NLRP5: variants seen among roughly 807,000 people sequenced by gnomAD.
NLRP5 encodes NLR family pyrin domain containing 5.
NLRP5 carries 93 observed loss-of-function variants against 113.1 expected under a neutral mutation model. The observed-to-expected ratio is 0.82, with a 90% CI of 0.70 to 0.98. NLRP5 has a LOEUF of 0.98. Among genes scored for constraint, NLRP5 ranks in the 50% least tolerant of loss-of-function variants. The probability of loss-of-function intolerance (pLI) is 0.00; values close to 1 mark genes in which losing one functional copy is unlikely to be tolerated. For synonymous variants in NLRP5, 751 were observed against 600.7 expected (o/e 1.25, Z -3.66); for missense variants, 1,808 against 1,514.3 (o/e 1.19, Z -3.22).
chr19:56,036,094 T>C (rs868461745), intron 9 of NLRP5, among the ~76,000 whole-genome samples: 4 of 133,536 alleles, frequency 3.0e-5, no homozygotes, highest in South Asian at 2.5e-4. Context: ...GACAGAGTCT[T>C]GCTCTGTTGC....
At chr19:56,001,000 C>G (rs1981624846) in intron 1 of NLRP5, among the ~76,000 whole-genome samples, 1 of 148,674 alleles carries the variant, frequency 6.7e-6, no homozygotes, top group Non-Finnish European at 1.5e-5. Context: ...GAGTGAGACT[C>G]TATCAAAAAG....
the NLRP5 span, among the ~76,000 whole-genome samples, chr19:55,992,294 T>C: frequency 6.6e-6 from 1 of 152,200 alleles, no homozygotes; most frequent in Non-Finnish European, 1.5e-5. Context: ...GTTGACTCCA[T>C]GTCTTTTCTA....
chr19:56,047,586 G>C (rs536538781), intron 11 of NLRP5, among the ~76,000 whole-genome samples: 2 of 152,174 alleles, frequency 1.3e-5, no homozygotes, highest in Non-Finnish European at 2.9e-5. Context: ...TGTGGTCTGA[G>C]AGAGTGCTTG....
At chr19:56,014,734 G>A (rs1171375273) in intron 3 of NLRP5, among the ~76,000 whole-genome samples, 1 of 151,950 alleles carries the variant, frequency 6.6e-6, no homozygotes, top group East Asian at 1.9e-4. Flanking sequence ...CAGATGTATG[G>A]GATTATTTTT....
rs78714641 is a variant in NLRP5, at chr19:56,053,849, G to A, written c.3299+41G>A. On this transcript the variant is annotated intron_variant, in intron 13 of 14. Transcript: ENST00000390649. Reference sequence around the variant, plus strand: ...GCCTCTTTGCGGGCCGGGCTGGGAGGAGGTGGGGGACCCCAGCATGAGGTT... The same window carrying A: ...GCCTCTTTGCGGGCCGGGCTGGGAGAAGGTGGGGGACCCCAGCATGAGGTT... 3.9e-4 allele frequency: 624 copies of A among 1,592,102 alleles called. 4 individuals carry two copies. In the African/African-American group the frequency reaches 7.4e-3, roughly 19 times the overall value.
chr19:56,014,567 A>C (rs1392354919), intron 3 of NLRP5, among the ~76,000 whole-genome samples: 1 of 152,176 alleles, frequency 6.6e-6, no homozygotes, highest in Non-Finnish European at 1.5e-5. Context: ...CAGCTCTTAA[A>C]AACATTTAGG....
chr19:56,027,754 T>C lies in NLRP5; in HGVS notation c.1521T>C (p.Phe507=), dbSNP rs777142679. 6.2e-7 allele frequency: 1 copy of C among 1,613,938 alleles called. No individual in the cohort carries two copies. Among genetic ancestry groups the C allele is most frequent in the East Asian group, 2.2e-5 (1 of 44,872 alleles). ...CAGGCCTGCACGCCGCTTTTGTGTTTCATCAGCTCACCCCTCGAGGCGTGG... is the reference window on the plus strand; with the variant it reads ...CAGGCCTGCACGCCGCTTTTGTGTTCCATCAGCTCACCCCTCGAGGCGTGG... The change falls in exon 7 of 15, where the codon TTT becomes TTC. Residue 507 remains phenylalanine, a synonymous_variant. Transcript: ENST00000390649.
At chr19:56,037,379 A>T (rs1983355184) in intron 9 of NLRP5, among the ~76,000 whole-genome samples, 1 of 152,094 alleles carries the variant, frequency 6.6e-6, no homozygotes, top group African/African-American at 2.4e-5. Context: ...GGCAGGAAAC[A>T]AGCACTAACA....
intron 9 of NLRP5, among the ~76,000 whole-genome samples, chr19:56,035,515 T>G (rs1983278437): frequency 6.6e-6 from 1 of 152,176 alleles, no homozygotes; most frequent in Admixed American, 6.5e-5. Flanking sequence ...GAGCTTAGAT[T>G]CAAAGAATAA....
chr19:55,998,164 T>C (rs1020660223), upstream of NLRP5, among the ~76,000 whole-genome samples: 1 of 152,176 alleles, frequency 6.6e-6, no homozygotes, highest in Non-Finnish European at 1.5e-5. Context: ...ATTTATCTTA[T>C]CTCAGTCCTG....
chr19:55,992,016 T>C, the NLRP5 span, among the ~76,000 whole-genome samples: 5 of 148,338 alleles, frequency 3.4e-5, 1 homozygote, highest in African/African-American at 1.2e-4. Context: ...CTTCTCACCC[T>C]CCTCCCACCC....
intron 11 of NLRP5, among the ~76,000 whole-genome samples, chr19:56,043,418 A>G (rs1983592581): frequency 6.6e-6 from 1 of 151,558 alleles, no homozygotes; most frequent in East Asian, 1.9e-4. Flanking sequence ...TTGTCTATTC[A>G]TGTCCTTAGC....
At chr19:56,032,824 G>A (rs532180245) in intron 8 of NLRP5, 43 bp downstream of exon 8, 16 of 1,549,732 alleles carry the variant, frequency 1.0e-5, no homozygotes, top group East Asian at 9.1e-5. Flanking sequence ...TTCCCATGAC[G>A]CTATCCCAGC....
At chr19:56,021,241 C>A (rs1982606198) in intron 6 of NLRP5, among the ~76,000 whole-genome samples, 2 of 152,120 alleles carry the variant, frequency 1.3e-5, no homozygotes, top group South Asian at 4.2e-4. Flanking sequence ...GTCTAAAGTG[C>A]TATAACTTTG....
intron 9 of NLRP5, among the ~76,000 whole-genome samples, chr19:56,034,127 G>T (rs192525555): frequency 6.6e-6 from 1 of 152,024 alleles, no homozygotes; most frequent in Non-Finnish European, 1.5e-5. Flanking sequence ...GGTGGCTCAC[G>T]CCTGTAATCC....
rs764049711 is a variant in NLRP5, at chr19:56,027,963, A to G, written c.1730A>G (p.Glu577Gly). 5.0e-6 allele frequency: 8 copies of G among 1,613,922 alleles called. No homozygotes were observed. In the Admixed American group the frequency reaches 1.3e-4, roughly 27 times the overall value. ...ATCCTTCTCCCAGACAGCCACTGTG[A>G]GGAGTACTACACCTTCTTCCACCTC... Residue 577 changes from glutamate to glycine, a missense_variant, in exon 7 of 15, where the codon GAG becomes GGG. Transcript: ENST00000390649.
rs184139894 is a variant in NLRP5, at chr19:56,037,522, G to A, written c.2616-503G>A. On this transcript the variant is annotated intron_variant, in intron 9 of 14. Coordinates refer to ENST00000390649, the MANE Select transcript of NLRP5 (RefSeq NM_153447.4). ...AGCCTGGCCAACATGATGAAACCCC[G>A]TGTGTACTAAAAATACAAAAATTAG... is the stretch of plus-strand genomic sequence containing the variant. Among the ~76,000 whole-genome samples, 658 of 151,994 alleles carry A rather than the reference G, an allele frequency of 4.3e-3. 6 individuals carry two copies. Among genetic ancestry groups the A allele is most frequent in the African/African-American group, 0.014 (598 of 41,470 alleles).
Position 56,053,686 on chromosome 19 carries a change from T to A in NLRP5, c.3177T>A (p.Cys1059Ter). ...CCGCGTGCTGTGAGAGTCTGTCCTG[T>A]GTGATCTCGAGGAGCAGACACCTGA... The change falls in exon 13 of 15, where the codon TGT becomes TGA. Residue 1059 changes from cysteine (C) to a stop codon, truncating the protein, a stop_gained. Coordinates refer to ENST00000390649, the MANE Select transcript of NLRP5 (RefSeq NM_153447.4). LOFTEE classifies it high-confidence loss of function. 1 of 1,613,978 alleles carries A rather than the reference T, an allele frequency of 6.2e-7. No homozygotes were observed. The highest frequency in any genetic ancestry group is 8.5e-7 in the Non-Finnish European group (1 of 1,179,886).
rs1229384539 is a variant in NLRP5 at position 56,032,665 on chromosome 19, T to C, written c.2331T>C (p.Leu777=). The C allele has an allele frequency of 6.2e-7, 1 of 1,613,682 alleles. No homozygotes were observed. Among genetic ancestry groups the C allele is most frequent in the Non-Finnish European group, 8.5e-7 (1 of 1,179,848 alleles). The stretch of plus-strand genomic sequence containing the variant: ...AGTGGGAAGATTTCTGCTCCATGCT[T>C]GGCACCCACCCACACCTGCGGCAGC... Residue 777 remains leucine, a synonymous_variant, in exon 8 of 15, where the codon CTT becomes CTC. Transcript: ENST00000390649.
Sources: gnomAD v4.1 joint callset for allele counts (sites outside exome capture counted in the v4.1 genomes callset) on GRCh38, gnomAD v4.1.1 for gene constraint, MANE v1.5 for transcripts, NCBI Gene and HGNC (gene_info 2026-07-23, HGNC 2026-07-21) for gene names.